TMPRSS2: variants seen among roughly 807,000 people sequenced by gnomAD.
The protein encoded by TMPRSS2 is transmembrane protease serine 2.
TMPRSS2 carries 59 observed loss-of-function variants against 67.4 expected under a neutral mutation model. The observed-to-expected ratio is 0.88, with a 90% CI of 0.71 to 1.09. The LOEUF (loss-of-function observed/expected upper bound fraction) is 1.09, where lower values mean the gene tolerates loss of function less well. Among genes scored for constraint, TMPRSS2 ranks in the 50% least tolerant of loss-of-function variants. TMPRSS2 has a pLI of 0.00. For synonymous variants in TMPRSS2, 257 were observed against 257.0 expected, an observed-to-expected ratio of 1.00 and a Z score of 0.00; for missense variants, 668 against 642.7, an observed-to-expected ratio of 1.04 and a Z score of -0.43.
In TMPRSS2 at chr21:41,465,806, C is replaced by A; in HGVS notation, c.*336G>T. On this transcript the variant is annotated 3_prime_UTR_variant, in exon 14 of 14. Transcript: ENST00000332149. ...AAGTCATCCAGCAGCTGAGAGGTGACAGCTCCATGCTCATCCAAAATTGGC... is the reference window on the plus strand; with the variant it reads ...AAGTCATCCAGCAGCTGAGAGGTGAAAGCTCCATGCTCATCCAAAATTGGC... 1 of 349,340 alleles carries A rather than the reference C, an allele frequency of 2.9e-6. No homozygotes were observed. The highest frequency in any genetic ancestry group is 5.2e-6 in the Non-Finnish European group (1 of 193,518). The allele number at this position is 349,340 out of a possible 1,614,324, so 21.6% of individuals were successfully genotyped here.
rs200164183 is a variant in TMPRSS2, at chr21:41,466,095, C to T, written c.*47G>A. 23 of 1,612,118 alleles carry T rather than the reference C, an allele frequency of 1.4e-5. No homozygotes were observed. The East Asian group carries it at 4.5e-4, about 31-fold the overall frequency. On this transcript the variant is annotated 3_prime_UTR_variant, in exon 14 of 14. Transcript: ENST00000332149. ...TCATGCACGGGGAAGCAAAACCAGCCCCATTGTTTTCTTGTAAAACGACGT... is the reference window on the plus strand; with the variant it reads ...TCATGCACGGGGAAGCAAAACCAGCTCCATTGTTTTCTTGTAAAACGACGT...
chr21:41,492,170 G>A, intron 3 of TMPRSS2, among the ~76,000 whole-genome samples: 1 of 152,194 alleles, frequency 6.6e-6, no homozygotes, highest in East Asian at 1.9e-4. Flanking sequence ...TCCAGCCTGG[G>A]TGACAGAGCG....
chr21:41,480,341 A>T, intron 6 of TMPRSS2, 135 bp downstream of exon 6: 1 of 1,419,234 alleles, frequency 7.0e-7, no homozygotes, highest in Non-Finnish European at 9.4e-7. Flanking sequence ...TGCTGGTTAT[A>T]GGGCTCAGCT....
intron 1 of TMPRSS2, among the ~76,000 whole-genome samples, chr21:41,504,317 G>A (rs1196684781): frequency 1.3e-5 from 2 of 152,052 alleles, no homozygotes; most frequent in Non-Finnish European, 1.5e-5. Flanking sequence ...ATGGCTCAGC[G>A]CCATCCACAC....
At chr21:41,470,596 C>A in intron 11 of TMPRSS2, 52 bp downstream of exon 11, 1 of 1,560,940 alleles carries the variant, frequency 6.4e-7, no homozygotes, top group East Asian at 2.3e-5. Flanking sequence ...CTTCCGAACC[C>A]AATGCTCCAT....
chr21:41,471,705 G>A (rs569866330), intron 10 of TMPRSS2, 101 bp downstream of exon 10: 27 of 1,378,662 alleles, frequency 2.0e-5, no homozygotes, highest in Middle Eastern at 2.0e-4. Context: ...CTCGCTCAAC[G>A]CAAATGCCTC....
chr21:41,468,269 C>T (rs1006133677), intron 12 of TMPRSS2, 127 bp downstream of exon 12: 3 of 1,258,668 alleles, frequency 2.4e-6, no homozygotes, highest in Non-Finnish European at 3.3e-6. Flanking sequence ...CGTCACTTCC[C>T]ATGACTGCCC....
chr21:41,471,003 A>T (rs1555891073), intron 10 of TMPRSS2, among the ~76,000 whole-genome samples: 1 of 152,250 alleles, frequency 6.6e-6, no homozygotes, highest in Non-Finnish European at 1.5e-5. Flanking sequence ...TGCTTCCAAA[A>T]TTACATATCT....
At position 41,508,089 on chromosome 21, in the gene TMPRSS2, C is replaced by T; in HGVS notation, c.-65G>A. The T allele has an allele frequency of 8.0e-7, 1 of 1,242,300 alleles. No individual in the cohort carries two copies. Among genetic ancestry groups the T allele is most frequent in the Non-Finnish European group, 1.0e-6 (1 of 975,050 alleles). The allele number at this position is 1,242,300 out of a possible 1,614,324, so 77.0% of individuals were successfully genotyped here. ...GTACCGGCGCCGCTCACCTGCCGCG[C>T]TCCAGGCGGCGCTCCCCGCCCCTCG... On this transcript the variant is annotated 5_prime_UTR_variant, in exon 1 of 14. Coordinates refer to ENST00000332149, the MANE Select transcript of TMPRSS2 (RefSeq NM_005656.4).
At chr21:41,493,861 A>G (rs369623004) in intron 3 of TMPRSS2, among the ~76,000 whole-genome samples, 2 of 152,254 alleles carry the variant, frequency 1.3e-5, no homozygotes, top group Non-Finnish European at 2.9e-5. Flanking sequence ...CTGAAGCCCA[A>G]TGAGACAGCT....
intron 5 of TMPRSS2, chr21:41,487,844 A>T (rs1036340162): frequency 6.6e-6 from 1 of 152,334 alleles, no homozygotes; most frequent in Non-Finnish European, 1.5e-5. Context: ...CCAGGCTGGA[A>T]TGCAGTGGCG....
rs776718328 is a variant in TMPRSS2, at chr21:41,479,211, C to T, written c.644G>A (p.Ser215Asn). The T allele has an allele frequency of 1.9e-6, 3 of 1,614,026 alleles. No homozygotes were observed. The highest frequency in any genetic ancestry group is 2.5e-6 in the Non-Finnish European group (3 of 1,179,992). ...TTTATAGATATCGACATTGCCGGCA[C>T]TTGTGTTCAGTTTCATAAAGCTGGT... Reference protein sequence around the residue: ...GSTSFMKLNTSAGNVDIYKKL... With the variant: ...GSTSFMKLNTNAGNVDIYKKL... The change falls in exon 7 of 14, where the codon AGT becomes AAT. Residue 215 changes from serine (S) to asparagine (N), a missense_variant. Ser to Asn is a conservative substitution (Grantham distance 46). Coordinates refer to ENST00000332149, the MANE Select transcript of TMPRSS2 (RefSeq NM_005656.4).
intron 13 of TMPRSS2, among the ~76,000 whole-genome samples, chr21:41,467,111 G>A (rs73372166): frequency 0.16 from 24,584 of 152,154 alleles, 2,342 homozygotes; most frequent in African/African-American, 0.24. Flanking sequence ...ATGTGAGGCC[G>A]GGCACCGTGG....
chr21:41,470,268 G>A (rs1019552894), intron 11 of TMPRSS2, among the ~76,000 whole-genome samples: 7 of 152,036 alleles, frequency 4.6e-5, no homozygotes, highest in Non-Finnish European at 1.0e-4. Context: ...GCCACCATGG[G>A]TCCAGGATGC....
intron 1 of TMPRSS2, chr21:41,502,501 C>CCAGA: frequency 1.0e-6 from 1 of 985,406 alleles, no homozygotes; most frequent in Non-Finnish European, 1.2e-6. Flanking sequence ...TCTTCAAAAT[C>CCAGA]CAGACAGCAC....
At chr21:41,489,031 A>T (rs946468180) in intron 4 of TMPRSS2, among the ~76,000 whole-genome samples, 1 of 152,202 alleles carries the variant, frequency 6.6e-6, no homozygotes, top group African/African-American at 2.4e-5. Context: ...CCGTGGGGGC[A>T]ATGGGAAGGA....
chr21:41,496,901 T>C (rs988497245), intron 2 of TMPRSS2, among the ~76,000 whole-genome samples: 1 of 139,104 alleles, frequency 7.2e-6, no homozygotes, highest in Non-Finnish European at 1.5e-5. Flanking sequence ...AGTGCAGTGG[T>C]GCGATCTTGG....
At chr21:41,499,260 A>G (rs1402727083) in intron 1 of TMPRSS2, among the ~76,000 whole-genome samples, 1 of 152,204 alleles carries the variant, frequency 6.6e-6, no homozygotes. Context: ...CTTTGTGAAC[A>G]GTTAACAATA....
chr21:41,476,694 T>C, intron 7 of TMPRSS2, 74 bp from the exon 8 acceptor site: 1 of 1,314,458 alleles, frequency 7.6e-7, no homozygotes, highest in Non-Finnish European at 1.1e-6. Flanking sequence ...TAGAAATCAG[T>C]CATTTCTTCC....
Sources: gnomAD v4.1 joint callset for allele counts (sites outside exome capture counted in the v4.1 genomes callset) on GRCh38, gnomAD v4.1.1 for gene constraint, MANE v1.5 for transcripts, NCBI Gene and HGNC (gene_info 2026-07-23, HGNC 2026-07-21) for gene names.